NEGR1: variants seen among roughly 807,000 people sequenced by gnomAD.
NEGR1 encodes the protein neuronal growth regulator 1, also known as IgLON family member 4.
NEGR1 carries 10 observed loss-of-function variants against 40.9 expected under a neutral mutation model. The ratio of observed to expected loss-of-function variants is 0.24; its 90% CI spans 0.15 to 0.42. NEGR1 has a LOEUF of 0.42. Ranked by LOEUF, NEGR1 falls within the 10% of genes least tolerant of loss-of-function variation. NEGR1 has a pLI of 1.00. For synonymous variants in NEGR1, 185 were observed against 166.8 expected (o/e 1.11, Z -0.84); for missense variants, 352 against 438.9 (o/e 0.80, Z 1.77).
chr1:71,495,231 C>T (rs1344845469), intron 6 of NEGR1, among the ~76,000 whole-genome samples: 1 of 152,038 alleles, frequency 6.6e-6, no homozygotes, highest in Non-Finnish European at 1.5e-5. Context: ...ATAATCCTAG[C>T]ACTTTGGGAG....
intron 6 of NEGR1, among the ~76,000 whole-genome samples, chr1:71,411,459 C>G (rs1183043388): frequency 6.6e-6 from 1 of 152,096 alleles, no homozygotes; most frequent in Non-Finnish European, 1.5e-5. Flanking sequence ...TCTAGTTGAG[C>G]CTCTGGGATG....
chr1:71,774,498 T>TG (rs1322651437), intron 3 of NEGR1, among the ~76,000 whole-genome samples: 1 of 152,116 alleles, frequency 6.6e-6, no homozygotes. Flanking sequence ...GCATGTGATG[T>TG]GGGTAAGATT....
intron 1 of NEGR1, among the ~76,000 whole-genome samples, chr1:72,186,893 G>C (rs1652632018): frequency 6.6e-6 from 1 of 151,382 alleles, no homozygotes; most frequent in Non-Finnish European, 1.5e-5. Flanking sequence ...ATGCTTTGTG[G>C]GATCTTCATT....
intron 1 of NEGR1, among the ~76,000 whole-genome samples, chr1:72,062,020 G>A (rs1647184533): frequency 6.6e-6 from 1 of 151,764 alleles, no homozygotes; most frequent in Non-Finnish European, 1.5e-5. Context: ...TTTCCCTAAT[G>A]ACAGTTTCCA....
intron 1 of NEGR1, among the ~76,000 whole-genome samples, chr1:72,162,808 G>T (rs78694889): frequency 1.3e-5 from 2 of 152,074 alleles, no homozygotes; most frequent in African/African-American, 4.8e-5. Flanking sequence ...GACTGCAGAG[G>T]ATAGCAGTAT....
At chr1:71,505,042 A>C (rs1166671032) in intron 6 of NEGR1, among the ~76,000 whole-genome samples, 1 of 152,160 alleles carries the variant, frequency 6.6e-6, no homozygotes, top group African/African-American at 2.4e-5. Flanking sequence ...AACCAGGACA[A>C]GTAGTTTGCA....
intron 4 of NEGR1, among the ~76,000 whole-genome samples, chr1:71,630,233 T>C (rs1185694867): frequency 6.6e-6 from 1 of 151,980 alleles, no homozygotes; most frequent in Admixed American, 6.6e-5. Flanking sequence ...AACTGCAGGA[T>C]ATGATTCAGC....
intron 4 of NEGR1, among the ~76,000 whole-genome samples, chr1:71,635,991 AACAAT>A (rs1651136159): frequency 6.6e-6 from 1 of 152,098 alleles, no homozygotes; most frequent in South Asian, 2.1e-4. Context: ...TTGACAAATA[AACAAT>A]AGAAGTAACT....
chr1:72,078,459 T>C (rs768379736), intron 1 of NEGR1, among the ~76,000 whole-genome samples: 33 of 151,934 alleles, frequency 2.2e-4, no homozygotes, highest in Non-Finnish European at 4.1e-4. Context: ...ACTCTAACCT[T>C]GAAGTCTAAA....
At chr1:71,454,555 G>T (rs533510610) in intron 6 of NEGR1, among the ~76,000 whole-genome samples, 3 of 73,616 alleles carry the variant, frequency 4.1e-5, no homozygotes, top group Admixed American at 1.3e-4. Context: ...GTTTCCTTGT[G>T]GTTTTAAAAA....
At chr1:72,110,176 CT>C in intron 1 of NEGR1, among the ~76,000 whole-genome samples, 1 of 134,376 alleles carries the variant, frequency 7.4e-6, no homozygotes, top group Non-Finnish European at 1.5e-5. Context: ...GCATATGTAA[CT>C]AACTTGCACA....
chr1:71,592,764 G>C, intron 6 of NEGR1, 53 bp downstream of exon 6: 1 of 1,439,170 alleles, frequency 6.9e-7, no homozygotes, highest in African/African-American at 1.4e-5. Context: ...CTCTACAGAT[G>C]GATAGGGGCC....
At chr1:72,111,081 TATATACAC>T (rs1044102800) in intron 1 of NEGR1, among the ~76,000 whole-genome samples, 2 of 39,566 alleles carry the variant, frequency 5.1e-5, no homozygotes, top group East Asian at 2.4e-3. Flanking sequence ...CACATATATA[TATATACAC>T]ACACACACAC....
rs189548474 is a variant in NEGR1 at position 71,435,436 on chromosome 1, A to G, written c.941-27866T>C. 4.5e-3 allele frequency among the ~76,000 whole-genome samples: 679 copies of G among 152,336 alleles called. 6 individuals carry two copies. Among genetic ancestry groups the G allele is most frequent in the African/African-American group, 0.016 (657 of 41,580 alleles). On this transcript the variant is annotated intron_variant, in intron 6 of 6. Transcript: ENST00000357731. ...AAACAGGTTCTGCCAACCAAGAGGTAGCAGACAAATTCTCAGGTGCTGTTA... is the reference window on the plus strand; with the variant it reads ...AAACAGGTTCTGCCAACCAAGAGGTGGCAGACAAATTCTCAGGTGCTGTTA...
intron 1 of NEGR1, among the ~76,000 whole-genome samples, chr1:72,070,272 T>A (rs1049932573): frequency 3.9e-5 from 6 of 152,036 alleles, no homozygotes; most frequent in South Asian, 2.1e-4. Flanking sequence ...ATTCAATAAC[T>A]TTTTTAAATT....
chr1:72,054,868 G>C (rs1569886577), intron 1 of NEGR1, among the ~76,000 whole-genome samples: 2 of 151,034 alleles, frequency 1.3e-5, no homozygotes, highest in South Asian at 4.2e-4. Context: ...TATAACCTTT[G>C]AGAAGTTATG....
intron 2 of NEGR1, among the ~76,000 whole-genome samples, chr1:71,784,177 C>T (rs932678856): frequency 4.6e-5 from 7 of 152,046 alleles, no homozygotes; most frequent in East Asian, 1.9e-4. Flanking sequence ...ATGAGTTTTT[C>T]GTGATTCTGG....
At chr1:71,604,617 T>G (rs1018787221) in intron 5 of NEGR1, among the ~76,000 whole-genome samples, 1 of 152,154 alleles carries the variant, frequency 6.6e-6, no homozygotes, top group African/African-American at 2.4e-5. Flanking sequence ...AATTGTTATC[T>G]AAAGTGAAAC....
At chr1:71,666,197 T>G (rs529370756) in intron 4 of NEGR1, among the ~76,000 whole-genome samples, 1 of 152,298 alleles carries the variant, frequency 6.6e-6, no homozygotes, top group East Asian at 1.9e-4. Context: ...TATGACTCAC[T>G]TGCAAGTGAT....
Sources: allele counts gnomAD v4.1 joint callset (sites outside exome capture counted in the v4.1 genomes callset), GRCh38; gene constraint gnomAD v4.1.1; transcripts MANE v1.5; gene names NCBI Gene and HGNC (gene_info 2026-07-23, HGNC 2026-07-21).